Variants in RIMKLA observed in about 807,000 individuals in gnomAD.
RIMKLA encodes the protein N-acetylaspartylglutamate synthase A.
A neutral mutation model predicts 32.7 loss-of-function variants in RIMKLA; 14 were observed. That is an observed-to-expected ratio of 0.43 (90% confidence interval 0.28 to 0.67). The LOEUF (loss-of-function observed/expected upper bound fraction) is 0.67. Ranked by LOEUF, RIMKLA falls within the 30% of genes least tolerant of loss-of-function variation. The pLI, the probability that RIMKLA is intolerant of heterozygous loss-of-function variation, is 0.18. For missense variants in RIMKLA, 410 were observed against 519.0 expected (o/e 0.79, Z 2.04); for synonymous variants, 176 against 204.1 (o/e 0.86, Z 1.18).
chr1:42,411,333 T>C (rs1272510296), intron 4 of RIMKLA, among the ~76,000 whole-genome samples: 1 of 142,640 alleles, frequency 7.0e-6, no homozygotes, highest in Non-Finnish European at 1.5e-5. Flanking sequence ...AGACCCTATC[T>C]CTTAAAAAAA....
intron 4 of RIMKLA, among the ~76,000 whole-genome samples, chr1:42,410,961 A>T (rs537513101): frequency 3.9e-4 from 60 of 152,316 alleles, no homozygotes; most frequent in African/African-American, 1.4e-3. Context: ...ATTTCCAGGA[A>T]CAGATTATGT....
In RIMKLA at chr1:42,399,472, T is replaced by C; in HGVS notation, c.232T>C (p.Ser78Pro). 6.2e-7 allele frequency: 1 copy of C among 1,613,474 alleles called. No homozygotes were observed. Among genetic ancestry groups the C allele is most frequent in the Non-Finnish European group, 8.5e-7 (1 of 1,179,788 alleles). Residue 78 changes from serine (S) to proline (P), a missense_variant, in exon 2 of 5, where the codon TCA (serine) becomes CCA (proline). Transcript: ENST00000431473. ...GGTGCTTGTACGGGTACCCACACCCTCAGTGCAGTCAGACAGTGACATCAC... is the reference window on the plus strand; with the variant it reads ...GGTGCTTGTACGGGTACCCACACCCCCAGTGCAGTCAGACAGTGACATCAC... ...DVVLVRVPTP[S>P]VQSDSDITVL... is the part of the protein sequence containing the mutation.
Position 42,420,899 on chromosome 1 carries a change from G to C in RIMKLA, c.*5925G>C, listed in dbSNP as rs1034376907. On this transcript the variant is annotated 3_prime_UTR_variant, in exon 5 of 5. Coordinates refer to ENST00000431473, the MANE Select transcript of RIMKLA (RefSeq NM_173642.4). ...ATAAATGTGATACATAAACAAACTTGAATGTGTCGCACTTAACCACATGCC... is the reference window on the plus strand; with the variant it reads ...ATAAATGTGATACATAAACAAACTTCAATGTGTCGCACTTAACCACATGCC... 3 of 152,204 alleles carry C rather than the reference G, an allele frequency of 2.0e-5. No homozygotes were observed. Among genetic ancestry groups the C allele is most frequent in the African/African-American group, 7.2e-5 (3 of 41,440 alleles). The allele number at this position is 152,204 out of a possible 1,614,324, so 9.4% of individuals were successfully genotyped here. A position where few individuals can be genotyped will look rare whatever the true frequency, so the allele number is the denominator to read the frequency against.
chr1:42,409,005 C>T lies in RIMKLA; in HGVS notation c.482-979C>T, dbSNP rs960996809. On this transcript the variant is annotated intron_variant, in intron 3 of 4. Transcript: ENST00000431473. ...GGCAGATCACTTGAGGCCAGGAGTTCGAGACCAGCCTGGCCAACATGGTGA... is the reference window on the plus strand; with the variant it reads ...GGCAGATCACTTGAGGCCAGGAGTTTGAGACCAGCCTGGCCAACATGGTGA... Among the ~76,000 whole-genome samples, 6 of 151,640 alleles carry T rather than the reference C, an allele frequency of 4.0e-5. No individual in the cohort carries two copies. In the East Asian group the frequency reaches 9.8e-4, roughly 25 times the overall value.
intron 1 of RIMKLA, among the ~76,000 whole-genome samples, chr1:42,385,943 A>G (rs749619836): frequency 1.6e-5 from 2 of 121,934 alleles, no homozygotes; most frequent in Non-Finnish European, 3.2e-5. Flanking sequence ...TCTTTTTGAG[A>G]TGGAGTCTCA....
At position 42,414,581 on chromosome 1, in the gene RIMKLA, C is replaced by T. The variant is rs2148396872; in HGVS notation, c.783C>T (p.Leu261=). Residue 261 remains leucine (L), a synonymous_variant, in exon 5 of 5, where the codon CTC becomes CTT. Coordinates refer to ENST00000431473, the MANE Select transcript of RIMKLA (RefSeq NM_173642.4). The part of the protein sequence containing the change: ...ILGMDFCGID[L]LIMDDGSFVV... Reference sequence around the variant, plus strand: ...GCATGGACTTCTGTGGCATTGATCTCCTTATCATGGACGATGGCTCCTTTG... The same window carrying T: ...GCATGGACTTCTGTGGCATTGATCTTCTTATCATGGACGATGGCTCCTTTG... 6.2e-7 allele frequency: 1 copy of T among 1,614,210 alleles called. No individual in the cohort carries two copies. Among genetic ancestry groups the T allele is most frequent in the Non-Finnish European group, 8.5e-7 (1 of 1,180,040 alleles).
intron 1 of RIMKLA, among the ~76,000 whole-genome samples, chr1:42,382,142 C>G (rs1325061121): frequency 1.3e-5 from 2 of 152,196 alleles, no homozygotes; most frequent in African/African-American, 2.4e-5. Flanking sequence ...TGGAATATAT[C>G]TGTTATAGAT....
At position 42,384,527 on chromosome 1, in the gene RIMKLA, A is replaced by C. The variant is rs139505133; in HGVS notation, c.163+3430A>C. Among the ~76,000 whole-genome samples the C allele has an allele frequency of 9.5e-5, 14 of 147,972 alleles. No individual in the cohort carries two copies. In the East Asian group the frequency reaches 2.7e-3, roughly 29 times the overall value. Reference sequence around the variant, plus strand: ...TGTATATATGTATATATGTGTGTATATATACATATATATGTATATATATGT... The same window carrying C: ...TGTATATATGTATATATGTGTGTATCTATACATATATATGTATATATATGT... On this transcript the variant is annotated intron_variant, in intron 1 of 4. Coordinates refer to ENST00000431473, the MANE Select transcript of RIMKLA (RefSeq NM_173642.4).
In RIMKLA at chr1:42,416,451, C is replaced by A. The variant is rs1643249400; in HGVS notation, c.*1477C>A. 6.6e-6 allele frequency: 1 copy of A among 151,912 alleles called. No individual in the cohort carries two copies. Among genetic ancestry groups the A allele is most frequent in the African/African-American group, 2.4e-5 (1 of 41,356 alleles). The allele number at this position is 151,912 out of a possible 1,614,324, so 9.4% of individuals were successfully genotyped here. On this transcript the variant is annotated 3_prime_UTR_variant, in exon 5 of 5. Coordinates refer to ENST00000431473, the MANE Select transcript of RIMKLA (RefSeq NM_173642.4). Reference sequence around the variant, plus strand: ...ACCAAGATCATCCTGAGCTGCTTCACCCATTTTATTTAGCAGACTTATTTT... The same window carrying A: ...ACCAAGATCATCCTGAGCTGCTTCAACCATTTTATTTAGCAGACTTATTTT...
intron 2 of RIMKLA, among the ~76,000 whole-genome samples, 181 bp downstream of exon 2, chr1:42,399,815 T>C (rs1643081599): frequency 6.6e-6 from 1 of 152,222 alleles, no homozygotes; most frequent in African/African-American, 2.4e-5. Context: ...TTCTGTAAGT[T>C]ATTCATTAAA....
Position 42,381,007 on chromosome 1 carries a change from G to T in RIMKLA, c.73G>T (p.Ala25Ser). 1 of 1,435,094 alleles carries T rather than the reference G, an allele frequency of 7.0e-7. No homozygotes were observed. Among genetic ancestry groups the T allele is most frequent in the South Asian group, 1.4e-5 (1 of 71,614 alleles). The allele number at this position is 1,435,094 out of a possible 1,614,324, so 88.9% of individuals were successfully genotyped here. A position where few individuals can be genotyped will look rare whatever the true frequency, so the allele number is the denominator to read the frequency against. ...CTACCCGCAGGTGCAGATCCTGCGC[G>T]CCCTCCGGCAGCGCTGCTCCGAGCA... ...EDYPQVQILR[A>S]LRQRCSEQDV... Residue 25 changes from alanine to serine, a missense_variant, in exon 1 of 5, where the codon GCC (alanine) becomes TCC (serine). By Grantham distance (99) the Ala-to-Ser change is moderately conservative. Coordinates refer to ENST00000431473, the MANE Select transcript of RIMKLA (RefSeq NM_173642.4).
At chr1:42,388,416 G>T (rs760768192) in intron 1 of RIMKLA, among the ~76,000 whole-genome samples, 42 of 152,082 alleles carry the variant, frequency 2.8e-4, no homozygotes, top group Admixed American at 1.6e-3. Context: ...CGTTGTTCAG[G>T]CTGGTCTTGA....
intron 1 of RIMKLA, among the ~76,000 whole-genome samples, chr1:42,397,541 A>G (rs146408878): frequency 6.6e-6 from 1 of 152,236 alleles, no homozygotes; most frequent in East Asian, 1.9e-4. Context: ...TAGGCAACAT[A>G]GCAAGACTAC....
chr1:42,413,191 A>G (rs1643215481), intron 4 of RIMKLA, among the ~76,000 whole-genome samples: 1 of 147,208 alleles, frequency 6.8e-6, no homozygotes, highest in Admixed American at 6.8e-5. Context: ...AGAAGAATAC[A>G]TTCTCAGTGT....
chr1:42,411,904 T>C (rs2148395642), intron 4 of RIMKLA, among the ~76,000 whole-genome samples: 1 of 152,222 alleles, frequency 6.6e-6, no homozygotes, highest in East Asian at 1.9e-4. Context: ...TCTCCTGACC[T>C]TGTGATCTGC....
In RIMKLA at chr1:42,404,424, C is replaced by A. The variant is rs1273904625; in HGVS notation, c.395-87C>A. On this transcript the variant is annotated intron_variant, in intron 2 of 4. Transcript: ENST00000431473. Reference sequence around the variant, plus strand: ...TTAATCAGAGAGAGATGAGGCCTCACAAGAATTCCTACAGAGGGGCGGGGC... The same window carrying A: ...TTAATCAGAGAGAGATGAGGCCTCAAAAGAATTCCTACAGAGGGGCGGGGC... 31 of 864,518 alleles carry A rather than the reference C, an allele frequency of 3.6e-5. No individual in the cohort carries two copies. The South Asian group carries it at 3.7e-4, about 10-fold the overall frequency. The allele number at this position is 864,518 out of a possible 1,614,324, so 53.6% of individuals were successfully genotyped here.
chr1:42,398,732 T>C (rs1643068188), intron 1 of RIMKLA, among the ~76,000 whole-genome samples: 1 of 152,112 alleles, frequency 6.6e-6, no homozygotes, highest in Admixed American at 6.5e-5. Context: ...ACAGGAAGGC[T>C]GAGGCGAGTG....
At chr1:42,391,968 C>T (rs78541541) in intron 1 of RIMKLA, among the ~76,000 whole-genome samples, 2 of 152,042 alleles carry the variant, frequency 1.3e-5, no homozygotes, top group East Asian at 3.9e-4. Context: ...ACTGTATCCA[C>T]TTTGCCAAAT....
At chr1:42,382,950 T>G (rs1239809756) in intron 1 of RIMKLA, among the ~76,000 whole-genome samples, 1 of 152,050 alleles carries the variant, frequency 6.6e-6, no homozygotes, top group Non-Finnish European at 1.5e-5. Flanking sequence ...CTCCACCTCC[T>G]GGGTTCAAGC....
Sources: gnomAD v4.1 joint callset for allele counts (sites outside exome capture counted in the v4.1 genomes callset) on GRCh38, gnomAD v4.1.1 for gene constraint, MANE v1.5 for transcripts, NCBI Gene and HGNC (gene_info 2026-07-23, HGNC 2026-07-21) for gene names.